SLC9A7: variants seen among roughly 807,000 people sequenced by gnomAD.
The protein encoded by SLC9A7 is solute carrier family 9 member A7, also known as sodium/hydrogen exchanger 7.
A neutral mutation model predicts 52.6 loss-of-function variants in SLC9A7; 19 were observed. The observed-to-expected ratio is 0.36, with a 90% CI of 0.25 to 0.53. SLC9A7 has a LOEUF of 0.53. Ranked by LOEUF, SLC9A7 falls within the 20% of genes least tolerant of loss-of-function variation. The pLI is 0.91. For synonymous variants in SLC9A7, 226 were observed against 252.1 expected (o/e 0.90, Z 0.98); for missense variants, 455 against 597.9 (o/e 0.76, Z 2.49).
At chrX:46,713,181 T>A (rs1427317274) in intron 1 of SLC9A7, among the ~76,000 whole-genome samples, 1 of 112,019 alleles carries the variant, frequency 8.9e-6, no homozygotes, top group African/African-American at 3.2e-5. Flanking sequence ...AAGGATAACA[T>A]CTTTAACAAC....
At chrX:46,662,265 G>A in intron 6 of SLC9A7, 108 bp from the exon 7 acceptor site, 1 of 778,568 alleles carries the variant, frequency 1.3e-6, no homozygotes, top group Non-Finnish European at 1.8e-6. Context: ...TCAAGCATTG[G>A]CCAGGGTAAA....
rs139587537 is a variant in SLC9A7 at position 46,630,897 on chromosome X, C to G, written c.1740+689G>C. 2.6e-4 allele frequency among the ~76,000 whole-genome samples: 29 copies of G among 112,291 alleles called. No individual in the cohort carries two copies. In the East Asian group the frequency reaches 7.6e-3, roughly 29 times the overall value. On this transcript the variant is annotated intron_variant, in intron 14 of 16. Coordinates refer to ENST00000616978, the MANE Select transcript of SLC9A7 (RefSeq NM_001257291.2). ...GACACTTGCTTTTGGAACCTTAAGC[C>G]ATCACATAAGAAATCCAACTACCCA...
chrX:46,690,029 C>T (rs1759836287), intron 1 of SLC9A7, among the ~76,000 whole-genome samples: 1 of 111,614 alleles, frequency 9.0e-6, no homozygotes, highest in South Asian at 3.7e-4. Context: ...AAAGAAATAC[C>T]ATTTGACCCA....
chrX:46,738,402 C>T (rs768470775), intron 1 of SLC9A7, among the ~76,000 whole-genome samples: 5 of 112,185 alleles, frequency 4.5e-5, no homozygotes, highest in Admixed American at 9.4e-5. Flanking sequence ...TCCTCTTTTA[C>T]GGAAACCCAA....
rs899163906 is a variant in SLC9A7 at position 46,602,999 on chromosome X, C to T, written c.*3953G>A. The T allele has an allele frequency of 1.8e-5, 2 of 112,445 alleles. No homozygotes were observed. The highest frequency in any genetic ancestry group is 3.8e-5 in the Non-Finnish European group (2 of 53,283). The allele number at this position is 112,445 out of a possible 1,213,427, so 9.3% of individuals were successfully genotyped here. On this transcript the variant is annotated 3_prime_UTR_variant, in exon 17 of 17. Transcript: ENST00000616978. ...TTTGTAATCAAATAAGGACTTAGAACACTGGAAAGCAGTTCTGATTCCAAA... is the reference window on the plus strand; with the variant it reads ...TTTGTAATCAAATAAGGACTTAGAATACTGGAAAGCAGTTCTGATTCCAAA...
At chrX:46,642,965 T>C (rs1470727810) in intron 12 of SLC9A7, among the ~76,000 whole-genome samples, 5 of 112,119 alleles carry the variant, frequency 4.5e-5, no homozygotes, top group African/African-American at 1.6e-4. Context: ...TGCTCTAATG[T>C]CACTGTTCTA....
intron 1 of SLC9A7, among the ~76,000 whole-genome samples, chrX:46,750,936 C>A (rs1374494466): frequency 4.5e-5 from 5 of 112,005 alleles, no homozygotes; most frequent in African/African-American, 1.6e-4. Context: ...CTTCTCTTTT[C>A]TGGATTATGT....
intron 1 of SLC9A7, among the ~76,000 whole-genome samples, chrX:46,685,912 A>G (rs889353990): frequency 8.9e-6 from 1 of 112,032 alleles, no homozygotes; most frequent in African/African-American, 3.2e-5. Context: ...CCTAAAAATC[A>G]GAACCTGCTT....
At chrX:46,625,331 C>A (rs763078997) in intron 14 of SLC9A7, among the ~76,000 whole-genome samples, 24 of 109,492 alleles carry the variant, frequency 2.2e-4, no homozygotes, top group African/African-American at 7.3e-4. Context: ...ATCCCTGGAT[C>A]CTGTTACACT....
At position 46,631,453 on chromosome X, in the gene SLC9A7, G is replaced by C. The variant is rs1269890970; in HGVS notation, c.1740+133C>G. ...ACTCCCAAACTTCAACTTTTAATCT[G>C]TAAAATGGGGAGAGCAGTACACGCT... On this transcript the variant is annotated intron_variant, in intron 14 of 16. Transcript: ENST00000616978. The C allele has an allele frequency of 1.4e-5, 7 of 487,186 alleles. No homozygotes were observed. The East Asian group carries it at 2.6e-4, about 18-fold the overall frequency. 40.1% of individuals were successfully genotyped at this position (487,186 alleles called of 1,213,427 possible). A position where few individuals can be genotyped will look rare whatever the true frequency, so the allele number is the denominator to read the frequency against.
At position 46,625,864 on chromosome X, in the gene SLC9A7, A is replaced by G. The variant is rs377577137; in HGVS notation, c.1741-4805T>C. On this transcript the variant is annotated intron_variant, in intron 14 of 16. Transcript: ENST00000616978. ...CACAGGACCTCAGTCCTACAACCAC[A>G]TGGAACTGAATTCTACTGACAACCT... 8.0e-5 allele frequency among the ~76,000 whole-genome samples: 9 copies of G among 112,046 alleles called. No homozygotes were observed. In the East Asian group the frequency reaches 2.2e-3, roughly 28 times the overall value.
At chrX:46,685,259 A>T (rs182191987) in intron 1 of SLC9A7, 2 of 113,661 alleles carry the variant, frequency 1.8e-5, no homozygotes, top group East Asian at 5.6e-4. Flanking sequence ...GAACTCCACC[A>T]GGGCCTGCAA....
intron 1 of SLC9A7, among the ~76,000 whole-genome samples, chrX:46,721,806 G>A (rs1166365539): frequency 8.9e-6 from 1 of 112,041 alleles, no homozygotes; most frequent in African/African-American, 3.2e-5. Context: ...GTAGGGAGGG[G>A]TAGCCCATAA....
intron 1 of SLC9A7, among the ~76,000 whole-genome samples, chrX:46,709,440 A>T (rs751114670): frequency 1.8e-4 from 20 of 111,050 alleles, no homozygotes; most frequent in Non-Finnish European, 2.6e-4. Flanking sequence ...AAAAAAATTT[A>T]AAGGTACTAA....
chrX:46,647,286 C>G, intron 11 of SLC9A7: 1 of 166,622 alleles, frequency 6.0e-6, no homozygotes, highest in Non-Finnish European at 1.2e-5. Context: ...TCTCCAGGTT[C>G]CAGGCACTTT....
At chrX:46,653,821 C>T in intron 7 of SLC9A7, 107 bp from the exon 8 acceptor site, 1 of 489,291 alleles carries the variant, frequency 2.0e-6, no homozygotes, top group Non-Finnish European at 3.4e-6. Context: ...CCTTTCCCTT[C>T]AACCTTTTTT....
intron 1 of SLC9A7, among the ~76,000 whole-genome samples, chrX:46,753,964 C>T (rs868947433): frequency 1.7e-4 from 18 of 103,339 alleles, no homozygotes; most frequent in African/African-American, 2.5e-4. Flanking sequence ...CCAGCCTGGG[C>T]GACAGAGTGA....
At chrX:46,735,711 T>C (rs1420088009) in intron 1 of SLC9A7, among the ~76,000 whole-genome samples, 1 of 111,657 alleles carries the variant, frequency 9.0e-6, no homozygotes, top group African/African-American at 3.3e-5. Flanking sequence ...AAAAAGTCTT[T>C]TTTCTTCTTC....
At chrX:46,713,501 C>CA (rs1378314729) in intron 1 of SLC9A7, among the ~76,000 whole-genome samples, 2 of 104,057 alleles carry the variant, frequency 1.9e-5, no homozygotes, top group African/African-American at 3.5e-5. Context: ...AACTCCATCT[C>CA]AAAAAAAATT....
Sources: gnomAD v4.1 joint callset for allele counts (sites outside exome capture counted in the v4.1 genomes callset) on GRCh38, gnomAD v4.1.1 for gene constraint, MANE v1.5 for transcripts, NCBI Gene and HGNC (gene_info 2026-07-23, HGNC 2026-07-21) for gene names.